Variants in NRCAM observed in about 807,000 individuals in gnomAD.
NRCAM encodes the protein neuronal cell adhesion molecule.
A neutral mutation model predicts 156.5 loss-of-function variants in NRCAM; 83 were observed. The ratio of observed to expected loss-of-function variants is 0.53; its 90% CI spans 0.44 to 0.64. NRCAM has a LOEUF of 0.64. Among genes scored for constraint, NRCAM ranks in the 30% least tolerant of loss-of-function variants. The pLI is 0.00. For synonymous variants in NRCAM, 538 were observed against 563.9 expected (o/e 0.95, Z 0.65); for missense variants, 1,417 against 1,597.3 (o/e 0.89, Z 1.92).
intron 1 of NRCAM, among the ~76,000 whole-genome samples, chr7:108,434,495 G>A (rs888243241): frequency 2.0e-5 from 3 of 151,392 alleles, no homozygotes; most frequent in African/African-American, 7.3e-5. Flanking sequence ...GTGTAGAAGA[G>A]ACCTCAGGGG....
intron 28 of NRCAM, among the ~76,000 whole-genome samples, chr7:108,169,533 AAAAG>A (rs1470001978): frequency 6.6e-5 from 10 of 152,342 alleles, no homozygotes; most frequent in South Asian, 4.1e-4. Flanking sequence ...TAGAATTAAG[AAAAG>A]AAAGATATTA....
chr7:108,150,637 C>T (rs986309392), intron 32 of NRCAM: 2 of 505,978 alleles, frequency 4.0e-6, no homozygotes, highest in Non-Finnish European at 7.9e-6. Flanking sequence ...GAAGCAAAAT[C>T]CTGCATTTCA....
chr7:108,195,960 A>G (rs1194055712), intron 14 of NRCAM, 88 bp from the exon 15 acceptor site: 5 of 860,314 alleles, frequency 5.8e-6, no homozygotes, highest in Non-Finnish European at 9.6e-6. Context: ...AAGGTCATTA[A>G]AGTTTATGGT....
chr7:108,399,408 G>GACTGTAAAGCAA, intron 2 of NRCAM, 28 bp downstream of exon 2: 1 of 152,242 alleles, frequency 6.6e-6, no homozygotes, highest in South Asian at 2.1e-4. Context: ...GTCTTGTAAA[G>GACTGTAAAGCAA]ACAAAGAGAG....
chr7:108,257,189 T>C (rs2153973603), intron 3 of NRCAM, among the ~76,000 whole-genome samples: 1 of 151,612 alleles, frequency 6.6e-6, no homozygotes, highest in South Asian at 2.1e-4. Flanking sequence ...TGCTGGGGCC[T>C]GGGGTAGGAG....
rs759549444 is a variant in NRCAM at position 108,184,247 on chromosome 7, C to G, written c.2298G>C (p.Thr766=). ...LGSEPDNLVI[T]WKPLNGFESN... is the part of the protein sequence containing the mutation. The stretch of plus-strand genomic sequence containing the variant: ...TGAAGGCATCATAGCTCACCTTCCA[C>G]GTAATCACCAAATTATCAGGCTCTG... The change falls in exon 22 of 33, where the codon ACG becomes ACC. Residue 766 remains threonine (T), a synonymous_variant. Transcript: ENST00000379028. 6.2e-7 allele frequency: 1 copy of G among 1,613,668 alleles called. No individual in the cohort carries two copies. Among genetic ancestry groups the G allele is most frequent in the African/African-American group, 1.3e-5 (1 of 75,014 alleles).
chr7:108,216,450 T>C (rs1299259979), intron 11 of NRCAM, among the ~76,000 whole-genome samples: 3 of 152,198 alleles, frequency 2.0e-5, no homozygotes, highest in Admixed American at 6.5e-5. Context: ...TGAATTTGAA[T>C]GTTGGCCTCT....
chr7:108,441,137 C>T (rs1178400284), intron 1 of NRCAM, among the ~76,000 whole-genome samples: 1 of 152,160 alleles, frequency 6.6e-6, no homozygotes, highest in African/African-American at 2.4e-5. Context: ...TTAGAATTCT[C>T]ATTCAAGGAG....
At chr7:108,165,364 T>C (rs2053330448) in intron 30 of NRCAM, among the ~76,000 whole-genome samples, 1 of 152,172 alleles carries the variant, frequency 6.6e-6, no homozygotes, top group African/African-American at 2.4e-5. Flanking sequence ...AGTGGAGTAA[T>C]AATGGTGCCT....
rs2093438129 is a variant in NRCAM, at chr7:108,226,362, T to C, written c.567A>G (p.Pro189=). 3 of 1,612,302 alleles carry C rather than the reference T, an allele frequency of 1.9e-6. No homozygotes were observed. Among genetic ancestry groups the C allele is most frequent in the African/African-American group, 2.7e-5 (2 of 74,978 alleles). The change falls in exon 9 of 33, where the codon CCA becomes CCG. Residue 189 remains proline, a synonymous_variant. Coordinates refer to ENST00000379028, the MANE Select transcript of NRCAM (RefSeq NM_001037132.4). ...AACCTTGAGAAACTCTCTCACTTTGTGGAAGTCTTTGAAAGGCTGGAGAAA... is the reference window on the plus strand; with the variant it reads ...AACCTTGAGAAACTCTCTCACTTTGCGGAAGTCTTTGAAAGGCTGGAGAAA... ...FWMDNSFQRL[P]QSERVSQGLN...
chr7:108,405,474 C>T (rs2099804665), intron 1 of NRCAM, among the ~76,000 whole-genome samples: 1 of 152,170 alleles, frequency 6.6e-6, no homozygotes, highest in African/African-American at 2.4e-5. Flanking sequence ...ATAAGGTGGA[C>T]ATTATTGCAA....
intron 2 of NRCAM, among the ~76,000 whole-genome samples, chr7:108,386,541 T>C (rs1032961944): frequency 8.5e-5 from 13 of 152,298 alleles, no homozygotes; most frequent in Admixed American, 2.6e-4. Flanking sequence ...AGAGATTACA[T>C]TGGGCACAAA....
intron 1 of NRCAM, among the ~76,000 whole-genome samples, chr7:108,416,111 G>A (rs1040683055): frequency 6.6e-6 from 1 of 152,140 alleles, no homozygotes; most frequent in Non-Finnish European, 1.5e-5. Context: ...ATGACAGAAC[G>A]GGCCAGCTGC....
intron 32 of NRCAM, among the ~76,000 whole-genome samples, chr7:108,157,800 C>T (rs984674926): frequency 1.3e-5 from 2 of 152,092 alleles, no homozygotes; most frequent in Non-Finnish European, 2.9e-5. Flanking sequence ...TAGTATGTTG[C>T]TAGATTCACT....
chr7:108,455,376 G>C (rs983437794), intron 1 of NRCAM, among the ~76,000 whole-genome samples: 9 of 152,184 alleles, frequency 5.9e-5, no homozygotes, highest in African/African-American at 2.2e-4. Context: ...AATCACTCCT[G>C]GCTCAACACA....
At chr7:108,370,852 C>T (rs750950073) in intron 2 of NRCAM, among the ~76,000 whole-genome samples, 2 of 151,694 alleles carry the variant, frequency 1.3e-5, no homozygotes, top group Admixed American at 6.6e-5. Flanking sequence ...CTTCTTCACA[C>T]CTTACAGAAT....
At chr7:108,375,411 T>C (rs2099670872) in intron 2 of NRCAM, among the ~76,000 whole-genome samples, 1 of 152,128 alleles carries the variant, frequency 6.6e-6, no homozygotes, top group Non-Finnish European at 1.5e-5. Flanking sequence ...AGGACATTCA[T>C]CCGCGTGATG....
rs1229928617 is a variant in NRCAM, at chr7:108,149,725, G to A, written c.*185C>T. The A allele has an allele frequency of 3.4e-6, 2 of 590,734 alleles. No homozygotes were observed. The highest frequency in any genetic ancestry group is 1.9e-5 in the African/African-American group (1 of 53,584). 36.6% of individuals were successfully genotyped at this position (590,734 alleles called of 1,614,324 possible). A position where few individuals can be genotyped will look rare whatever the true frequency, so the allele number is the denominator to read the frequency against. The stretch of plus-strand genomic sequence containing the variant: ...TTTTGAATGAAAAAGTATGCACTTT[G>A]CATTCCAGTTCATATTAACATATCA... On this transcript the variant is annotated 3_prime_UTR_variant, in exon 33 of 33. Transcript: ENST00000379028.
chr7:108,346,207 A>G (rs527743310), intron 2 of NRCAM, among the ~76,000 whole-genome samples: 1 of 152,276 alleles, frequency 6.6e-6, no homozygotes, highest in Admixed American at 6.5e-5. Flanking sequence ...GAATTTTGAG[A>G]TATCACATCC....
Sources: gnomAD v4.1 joint callset for allele counts (sites outside exome capture counted in the v4.1 genomes callset) on GRCh38, gnomAD v4.1.1 for gene constraint, MANE v1.5 for transcripts, NCBI Gene and HGNC (gene_info 2026-07-23, HGNC 2026-07-21) for gene names.